The following APOH variants were observed in gnomAD, a reference collection of about 807,000 sequenced individuals.
APOH encodes the protein beta-2-glycoprotein 1.
In APOH, 48 loss-of-function variants were observed where a neutral mutation model predicts 39.8. That is an observed-to-expected ratio of 1.21 (90% CI 0.96 to 1.54). The LOEUF (loss-of-function observed/expected upper bound fraction) is 1.54, where lower values mean the gene tolerates loss of function less well. Ranked by LOEUF, APOH falls within the 40% of genes most tolerant of loss-of-function variation. APOH has a pLI of 0.00. For missense variants in APOH, 415 were observed against 421.2 expected (o/e 0.99, Z 0.13); for synonymous variants, 153 against 151.1 (o/e 1.01, Z -0.09).
chr17:66,213,127 T>G (rs995005003), intron 7 of APOH, among the ~76,000 whole-genome samples: 1 of 152,240 alleles, frequency 6.6e-6, no homozygotes. Flanking sequence ...TCCTCTCTTC[T>G]TAGCTTTGTC....
intron 4 of APOH, among the ~76,000 whole-genome samples, chr17:66,222,360 G>C (rs1304351140): frequency 6.6e-6 from 1 of 151,998 alleles, no homozygotes; most frequent in Non-Finnish European, 1.5e-5. Context: ...CTCCGGCCTG[G>C]GCAACAGAGC....
At chr17:66,224,211 C>T (rs2073420567) in intron 3 of APOH, among the ~76,000 whole-genome samples, 1 of 152,120 alleles carries the variant, frequency 6.6e-6, no homozygotes, top group South Asian at 2.1e-4. Context: ...TACTTTGGCT[C>T]ATGCCTGTAA....
chr17:66,212,160 A>G lies in APOH; in HGVS notation c.1011T>C (p.Thr337=). Residue 337 remains threonine, a synonymous_variant, in exon 8 of 8, where the codon ACT becomes ACC. Coordinates refer to ENST00000205948, the MANE Select transcript of APOH (RefSeq NM_000042.3). Reference sequence around the variant, plus strand: ...AGCATGGCTTTACATCGGATGCATCAGTTTTCCAAAAAGCCAGAGAACTGT... The same window carrying G: ...AGCATGGCTTTACATCGGATGCATCGGTTTTCCAAAAAGCCAGAGAACTGT... ...KEHSSLAFWK[T]DASDVKPC 6.2e-7 allele frequency: 1 copy of G among 1,614,014 alleles called. No individual in the cohort carries two copies. The highest frequency in any genetic ancestry group is 8.5e-7 in the Non-Finnish European group (1 of 1,179,866).
Position 66,220,607 on chromosome 17 carries a change from T to C in APOH, c.551A>G (p.Asp184Gly). The C allele has an allele frequency of 1.2e-6, 2 of 1,614,210 alleles. No individual in the cohort carries two copies. Among genetic ancestry groups the C allele is most frequent in the Non-Finnish European group, 1.7e-6 (2 of 1,180,046 alleles). ...TCCATGTGTCGTGCAGGTAATTGTA[T>C]CATTTCCAAACATCGCATGTTGTGG... ...CLPQHAMFGN[D>G]TITCTTHGNW... Residue 184 changes from aspartate to glycine, a missense_variant, in exon 5 of 8, where the codon GAT (aspartate) becomes GGT (glycine). Asp to Gly is a moderately conservative substitution (Grantham distance 94). Transcript: ENST00000205948.
intron 6 of APOH, among the ~76,000 whole-genome samples, chr17:66,215,885 G>A (rs1201025928): frequency 6.6e-6 from 1 of 152,208 alleles, no homozygotes; most frequent in Non-Finnish European, 1.5e-5. Context: ...CTGCCTTTCA[G>A]TTCCAATCTT....
chr17:66,228,548 T>TC (rs2073453655), intron 1 of APOH: 1 of 173,134 alleles, frequency 5.8e-6, no homozygotes, highest in Non-Finnish European at 1.2e-5. Flanking sequence ...ACACCTGTAA[T>TC]CCCAGCACTT....
chr17:66,221,812 T>C (rs1448364191), intron 4 of APOH, among the ~76,000 whole-genome samples: 1 of 152,166 alleles, frequency 6.6e-6, no homozygotes, highest in Non-Finnish European at 1.5e-5. Flanking sequence ...CAACAAGTTA[T>C]ACTAGCATAA....
At chr17:66,226,169 A>G in intron 2 of APOH, 45 bp from the exon 3 acceptor site, 1 of 1,384,088 alleles carries the variant, frequency 7.2e-7, no homozygotes, top group Non-Finnish European at 1.0e-6. Flanking sequence ...TGGGCTAAAA[A>G]AAAACATAAA....
At position 66,218,315 on chromosome 17, in the gene APOH, AT is replaced by A. The variant is rs202025524; in HGVS notation, c.605-1349del. On this transcript the variant is annotated intron_variant, in intron 5 of 7. Transcript: ENST00000205948. ...TGTGCTTCCTGATATGACAGAATGT[AT>A]TTTTTTTTTTTGACACAGAGTCTCA... 5.8e-3 allele frequency among the ~76,000 whole-genome samples: 854 copies of A among 147,302 alleles called. 4 individuals are homozygous for A. Among genetic ancestry groups the A allele is most frequent in the East Asian group, 0.012 (61 of 4,966 alleles).
chr17:66,223,822 T>C (rs764655834), intron 3 of APOH, 48 bp from the exon 4 acceptor site: 4 of 1,500,044 alleles, frequency 2.7e-6, no homozygotes, highest in Non-Finnish European at 3.7e-6. Flanking sequence ...AATCCATCAC[T>C]GACATCTCAA....
chr17:66,224,673 G>T (rs2073425880), intron 3 of APOH, among the ~76,000 whole-genome samples: 1 of 47,258 alleles, frequency 2.1e-5, no homozygotes, highest in African/African-American at 1.0e-4. Context: ...GAAGGGAAGG[G>T]AAGGGAAGGG....
intron 6 of APOH, among the ~76,000 whole-genome samples, chr17:66,215,592 G>T (rs1443891944): frequency 6.6e-6 from 1 of 152,192 alleles, no homozygotes; most frequent in African/African-American, 2.4e-5. Flanking sequence ...CATCTTGCCT[G>T]CTGCCCCAGA....
intron 3 of APOH, 131 bp downstream of exon 3, chr17:66,225,897 C>G: frequency 1.8e-6 from 1 of 559,590 alleles, no homozygotes; most frequent in Non-Finnish European, 3.0e-6. Flanking sequence ...AAAAGCAGGA[C>G]TAAAATCGAT....
At chr17:66,216,166 C>CAA (rs35488139) in intron 6 of APOH, among the ~76,000 whole-genome samples, 24,403 of 107,806 alleles carry the variant, frequency 0.23, 2,691 homozygotes, top group Non-Finnish European at 0.29. Context: ...GACTCCATCT[C>CAA]AAAAAAAAAA....
rs758249565 is a variant in APOH at position 66,214,469 on chromosome 17, G to A, written c.966C>T (p.Val322=). ...DAQCIDGTIE[V]PKCFKEHSSL... ...CAGACTTACCCTTGAAGCATTTGGGGACTTCGATAGTGCCATCTATACACT... is the reference window on the plus strand; with the variant it reads ...CAGACTTACCCTTGAAGCATTTGGGAACTTCGATAGTGCCATCTATACACT... The change falls in exon 7 of 8, where the codon GTC becomes GTT. Residue 322 remains valine, a synonymous_variant. Coordinates refer to ENST00000205948, the MANE Select transcript of APOH (RefSeq NM_000042.3). 3 of 1,613,658 alleles carry A rather than the reference G, an allele frequency of 1.9e-6. No homozygotes were observed.
chr17:66,227,897 C>A, intron 2 of APOH, 123 bp downstream of exon 2: 1 of 1,011,204 alleles, frequency 9.9e-7, no homozygotes. Context: ...CATTTCTCTC[C>A]AACCTGGCTT....
chr17:66,220,239 C>A (rs145661618), intron 5 of APOH, among the ~76,000 whole-genome samples: 4 of 152,294 alleles, frequency 2.6e-5, no homozygotes, highest in African/African-American at 7.2e-5. Flanking sequence ...ATGTCTCCCC[C>A]ATGTGTGGTA....
chr17:66,214,511 G>A lies in APOH; in HGVS notation c.924C>T (p.Ser308=), dbSNP rs762474997. ...CTATACACTGAGCATCCTCTGTATAGCTACACTTCTTTTCCTTATTTTTGC... is the reference window on the plus strand; with the variant it reads ...CTATACACTGAGCATCCTCTGTATAACTACACTTCTTTTCCTTATTTTTGC... ...FFCKNKEKKC[S]YTEDAQCIDG... is the part of the protein sequence containing the mutation. The change falls in exon 7 of 8, where the codon AGC becomes AGT. Residue 308 remains serine, a synonymous_variant. Transcript: ENST00000205948. The A allele has an allele frequency of 2.5e-6, 4 of 1,614,148 alleles. No homozygotes were observed. In the South Asian group the frequency reaches 4.4e-5, roughly 18 times the overall value.
chr17:66,226,109 A>G lies in APOH; in HGVS notation c.257T>C (p.Phe86Ser). The change falls in exon 3 of 8, where the codon TTT becomes TCT. Residue 86 changes from phenylalanine (F) to serine (S), a missense_variant. Coordinates refer to ENST00000205948, the MANE Select transcript of APOH (RefSeq NM_000042.3). ...TLKCTPRVCP[F>S]AGILENGAVR... is the part of the protein sequence containing the mutation. Reference sequence around the variant, plus strand: ...GGCTCCATTTTCTAAGATTCCAGCAAAAGGACATACTCTGGCTGTGATACA... The same window carrying G: ...GGCTCCATTTTCTAAGATTCCAGCAGAAGGACATACTCTGGCTGTGATACA... 1 of 1,613,142 alleles carries G rather than the reference A, an allele frequency of 6.2e-7. No individual in the cohort carries two copies. Among genetic ancestry groups the G allele is most frequent in the Non-Finnish European group, 8.5e-7 (1 of 1,179,442 alleles).
Sources: gnomAD v4.1 joint callset for allele counts (sites outside exome capture counted in the v4.1 genomes callset) on GRCh38, gnomAD v4.1.1 for gene constraint, MANE v1.5 for transcripts, NCBI Gene and HGNC (gene_info 2026-07-23, HGNC 2026-07-21) for gene names.